Variants in KLHL1 observed in about 807,000 individuals in gnomAD.
KLHL1 encodes the protein kelch-like protein 1.
In KLHL1, 47 loss-of-function variants were observed where a neutral mutation model predicts 77.7. That is an observed-to-expected ratio of 0.60 (90% CI 0.48 to 0.77). The LOEUF is 0.77. KLHL1 is among the 30% of genes least tolerant of loss of function. The probability of loss-of-function intolerance (pLI) is 0.00; values close to 1 mark genes in which losing one functional copy is unlikely to be tolerated. For missense variants in KLHL1, 925 were observed against 910.8 expected (o/e 1.02, Z -0.20); for synonymous variants, 360 against 325.2 (o/e 1.11, Z -1.15).
chr13:70,061,994 TA>T (rs1886901504), intron 1 of KLHL1, among the ~76,000 whole-genome samples: 1 of 151,872 alleles, frequency 6.6e-6, no homozygotes, highest in African/African-American at 2.4e-5. Flanking sequence ...TACGATAAAG[TA>T]AAGTTAGCCA....
At chr13:69,707,140 G>A (rs2062583790) in intron 10 of KLHL1, among the ~76,000 whole-genome samples, 1 of 151,934 alleles carries the variant, frequency 6.6e-6, no homozygotes, top group Non-Finnish European at 1.5e-5. Context: ...TTCTGTTTAT[G>A]GCTGTGGGGA....
At chr13:69,860,354 C>A (rs1880093709) in intron 5 of KLHL1, among the ~76,000 whole-genome samples, 1 of 151,936 alleles carries the variant, frequency 6.6e-6, no homozygotes, top group African/African-American at 2.4e-5. Flanking sequence ...GACTCAATTT[C>A]TAATGGTAAG....
At chr13:69,734,105 G>A (rs143702595) in intron 8 of KLHL1, among the ~76,000 whole-genome samples, 348 of 152,110 alleles carry the variant, frequency 2.3e-3, no homozygotes, top group Non-Finnish European at 3.9e-3. Flanking sequence ...GGGTCATGGG[G>A]GCAGATTTCT....
At chr13:69,705,428 A>G (rs1240736796) in intron 10 of KLHL1, among the ~76,000 whole-genome samples, 1 of 151,682 alleles carries the variant, frequency 6.6e-6, no homozygotes, top group African/African-American at 2.4e-5. Context: ...ACATATTTGG[A>G]TATTTTAATA....
chr13:70,074,713 T>C (rs1401324660), intron 1 of KLHL1, among the ~76,000 whole-genome samples: 1 of 147,714 alleles, frequency 6.8e-6, no homozygotes, highest in Non-Finnish European at 1.5e-5. Context: ...CAACAAGCCA[T>C]ATTCAGTGAA....
intron 1 of KLHL1, among the ~76,000 whole-genome samples, chr13:70,048,037 G>A (rs76064534): frequency 0.021 from 3,208 of 152,232 alleles, 66 homozygotes; most frequent in African/African-American, 0.058. Flanking sequence ...TTTTCTGTGC[G>A]TAAGGGGGTG....
intron 2 of KLHL1, among the ~76,000 whole-genome samples, chr13:69,974,057 G>A (rs908157158): frequency 6.6e-6 from 1 of 151,940 alleles, no homozygotes; most frequent in South Asian, 2.1e-4. Context: ...TTGTGGTCTC[G>A]TGCTACCCGA....
chr13:70,041,075 G>T (rs1303714162), intron 1 of KLHL1, among the ~76,000 whole-genome samples: 1 of 151,986 alleles, frequency 6.6e-6, no homozygotes. Context: ...ATTGTATATT[G>T]TATAATTTCT....
In KLHL1 at chr13:69,987,912, C is replaced by G. The variant is rs1347121252; in HGVS notation, c.498-12110G>C. On this transcript the variant is annotated intron_variant, in intron 1 of 10. Transcript: ENST00000377844. ...TAAATGTAGAATAAACTGCTACTTA[C>G]AAACAAGTGCAAAGACTGTGTTTTA... Among the ~76,000 whole-genome samples the G allele has an allele frequency of 5.3e-5, 8 of 151,874 alleles. No individual in the cohort carries two copies. The East Asian group carries it at 1.5e-3, about 29-fold the overall frequency.
At chr13:69,978,622 G>A (rs1884617373) in intron 1 of KLHL1, among the ~76,000 whole-genome samples, 1 of 151,794 alleles carries the variant, frequency 6.6e-6, no homozygotes, top group African/African-American at 2.4e-5. Context: ...GAGTAGCTGG[G>A]ATTACAGGCA....
chr13:69,983,700 A>C (rs1448161744), intron 1 of KLHL1, among the ~76,000 whole-genome samples: 2 of 151,904 alleles, frequency 1.3e-5, no homozygotes, highest in Non-Finnish European at 2.9e-5. Context: ...CCAGGAGTTA[A>C]GAGTCGGCAA....
chr13:70,034,556 A>G (rs1886192471), intron 1 of KLHL1, among the ~76,000 whole-genome samples: 2 of 152,246 alleles, frequency 1.3e-5, no homozygotes, highest in African/African-American at 2.4e-5. Context: ...GATCAGAAGC[A>G]GGACTGAGAA....
chr13:69,778,792 C>CT (rs1172258314), intron 7 of KLHL1, among the ~76,000 whole-genome samples: 5,689 of 98,994 alleles, frequency 0.057, 329 homozygotes, highest in East Asian at 0.12. Flanking sequence ...TATTCCCTCT[C>CT]TTTTTTTTTT....
Position 69,810,813 on chromosome 13 carries a change from G to C in KLHL1, c.1415-13851C>G, listed in dbSNP as rs1330783649. On this transcript the variant is annotated intron_variant, in intron 6 of 10. Coordinates refer to ENST00000377844, the MANE Select transcript of KLHL1 (RefSeq NM_020866.3). ...GTTGACATCACAGCCAATTCCATATGAATACAAAGGCTCCTCAGAGAGTGC... is the reference window on the plus strand; with the variant it reads ...GTTGACATCACAGCCAATTCCATATCAATACAAAGGCTCCTCAGAGAGTGC... 3.3e-5 allele frequency among the ~76,000 whole-genome samples: 5 copies of C among 151,936 alleles called. No homozygotes were observed. The East Asian group carries it at 9.7e-4, about 29-fold the overall frequency.
intron 4 of KLHL1, among the ~76,000 whole-genome samples, chr13:69,938,464 C>T (rs116099025): frequency 0.018 from 2,667 of 151,832 alleles, 32 homozygotes; most frequent in Middle Eastern, 0.054. Context: ...TACTATTGTG[C>T]GATAAATTGC....
chr13:69,924,636 C>T (rs1199774965), intron 4 of KLHL1, among the ~76,000 whole-genome samples: 1 of 152,190 alleles, frequency 6.6e-6, no homozygotes, highest in African/African-American at 2.4e-5. Context: ...GACAAGAACT[C>T]AGGACCCACC....
At chr13:70,002,950 C>T (rs989189795) in intron 1 of KLHL1, among the ~76,000 whole-genome samples, 1 of 151,546 alleles carries the variant, frequency 6.6e-6, no homozygotes. Flanking sequence ...ATAAGATACA[C>T]ACATTTAAAT....
chr13:69,935,523 G>A (rs1218661047), intron 4 of KLHL1, among the ~76,000 whole-genome samples: 1 of 152,054 alleles, frequency 6.6e-6, no homozygotes, highest in African/African-American at 2.4e-5. Context: ...AGTTTTGAAG[G>A]TACTGGCACA....
intron 1 of KLHL1, among the ~76,000 whole-genome samples, chr13:70,068,044 G>GT (rs1399351938): frequency 9.2e-6 from 1 of 108,628 alleles, no homozygotes; most frequent in Non-Finnish European, 1.9e-5. Context: ...TTTAGTATAA[G>GT]TAAAAAAAAA....
Sources: allele counts gnomAD v4.1 joint callset (sites outside exome capture counted in the v4.1 genomes callset), GRCh38; gene constraint gnomAD v4.1.1; transcripts MANE v1.5; gene names NCBI Gene and HGNC (gene_info 2026-07-23, HGNC 2026-07-21).